The following CASTOR2 variants were observed in gnomAD, a reference collection of about 807,000 sequenced individuals.
CASTOR2 encodes GATS protein like 2.
A neutral mutation model predicts 31.2 loss-of-function variants in CASTOR2; 8 were observed. The ratio of observed to expected loss-of-function variants is 0.26; its 90% CI spans 0.15 to 0.46. The LOEUF is 0.46. Among genes scored for constraint, CASTOR2 ranks in the 20% least tolerant of loss-of-function variants. The probability of loss-of-function intolerance (pLI) is 0.99; values close to 1 mark genes in which losing one functional copy is unlikely to be tolerated. For synonymous variants in CASTOR2, 162 were observed against 158.7 expected (o/e 1.02, Z -0.16); for missense variants, 216 against 382.1 (o/e 0.57, Z 3.62).
chr7:75,028,411 G>A lies in CASTOR2; in HGVS notation c.*3712G>A, dbSNP rs1216414586. Among the ~76,000 whole-genome samples, 3 of 152,026 alleles carry A rather than the reference G, an allele frequency of 2.0e-5. No individual in the cohort carries two copies. Among genetic ancestry groups the A allele is most frequent in the Non-Finnish European group, 4.4e-5 (3 of 68,008 alleles). ...GCTGGGATTACAGGCATGAGCCACC[G>A]TGCCCGGCCTCATGGAATTTCTAGG... On this transcript the variant is annotated 3_prime_UTR_variant, in exon 9 of 9. Transcript: ENST00000616305.
chr7:74,977,114 G>T (rs1440240260), intron 1 of CASTOR2, among the ~76,000 whole-genome samples: 6 of 147,012 alleles, frequency 4.1e-5, no homozygotes, highest in Admixed American at 2.0e-4. Context: ...AACCTGGAAG[G>T]CAGAGGTTGC....
intron 2 of CASTOR2, among the ~76,000 whole-genome samples, chr7:75,011,222 A>T (rs1804735487): frequency 6.7e-6 from 1 of 149,330 alleles, no homozygotes; most frequent in Non-Finnish European, 1.5e-5. Flanking sequence ...TGAGGTCAGG[A>T]GTTCGAGACA....
intron 7 of CASTOR2, among the ~76,000 whole-genome samples, chr7:75,023,579 A>G (rs1174419564): frequency 6.6e-6 from 1 of 150,608 alleles, no homozygotes; most frequent in East Asian, 2.0e-4. Context: ...AGCTGGGACT[A>G]TAGGCACGTG....
chr7:75,014,746 A>C (rs1804829632), intron 2 of CASTOR2, among the ~76,000 whole-genome samples: 2 of 151,924 alleles, frequency 1.3e-5, no homozygotes, highest in Admixed American at 1.3e-4. Context: ...CTTCCCCCAC[A>C]CCCACGTTTC....
intron 1 of CASTOR2, among the ~76,000 whole-genome samples, chr7:74,998,085 C>T (rs1804395071): frequency 2.0e-5 from 3 of 152,082 alleles, no homozygotes; most frequent in African/African-American, 7.2e-5. Context: ...GTCCCCCCTG[C>T]CTTCAGAAAG....
rs1371628201 is a variant in CASTOR2 at position 75,031,339 on chromosome 7, G to A, written c.*6640G>A. On this transcript the variant is annotated 3_prime_UTR_variant, in exon 9 of 9. Transcript: ENST00000616305. ...GCGTTCCATCGCTCCCAAGATCTGGGTGAAGGGGAGAACCTGCCATCTTAT... is the reference window on the plus strand; with the variant it reads ...GCGTTCCATCGCTCCCAAGATCTGGATGAAGGGGAGAACCTGCCATCTTAT... Among the ~76,000 whole-genome samples, 2 of 152,108 alleles carry A rather than the reference G, an allele frequency of 1.3e-5. No homozygotes were observed. Among genetic ancestry groups the A allele is most frequent in the Non-Finnish European group, 2.9e-5 (2 of 68,020 alleles).
intron 1 of CASTOR2, among the ~76,000 whole-genome samples, chr7:74,993,826 ATTCTC>A (rs1804272044): frequency 6.6e-6 from 1 of 150,418 alleles, no homozygotes; most frequent in Non-Finnish European, 1.5e-5. Context: ...AACACTTGTA[ATTCTC>A]TTCTCTCTGC....
chr7:74,975,011 C>T (rs1584457560), intron 1 of CASTOR2, among the ~76,000 whole-genome samples: 1 of 150,796 alleles, frequency 6.6e-6, no homozygotes, highest in Non-Finnish European at 1.5e-5. Context: ...CTCTGTTGCC[C>T]AGGCTGGAGT....
chr7:74,997,682 T>C (rs1289052330), intron 1 of CASTOR2, among the ~76,000 whole-genome samples: 1 of 151,550 alleles, frequency 6.6e-6, no homozygotes, highest in Non-Finnish European at 1.5e-5. Flanking sequence ...TGCCTTGGCC[T>C]CCCCAAAGTG....
In CASTOR2 at chr7:74,967,454, GCT is replaced by G. The variant is rs587677683; in HGVS notation, c.113+2359_113+2360del. ...CCCTGCCCCCAGGTGGTGACCCATA[GCT>G]CTGTCACTTCCCTCTCCAAAACCTA... is the stretch of plus-strand genomic sequence containing the variant. On this transcript the variant is annotated intron_variant, in intron 1 of 8. Transcript: ENST00000616305. Among the ~76,000 whole-genome samples, 22 of 148,240 alleles carry G rather than the reference GCT, an allele frequency of 1.5e-4. 3 individuals are homozygous for G. In the South Asian group the frequency reaches 4.9e-3, roughly 33 times the overall value.
intron 2 of CASTOR2, among the ~76,000 whole-genome samples, chr7:75,014,623 C>G (rs1313258691): frequency 6.6e-6 from 1 of 152,116 alleles, no homozygotes; most frequent in Non-Finnish European, 1.5e-5. Flanking sequence ...GCTCTGGGTT[C>G]TTTCCCAGGC....
In CASTOR2 at chr7:75,007,863, G is replaced by T. The variant is rs1554438918; in HGVS notation, c.114-131G>T. On this transcript the variant is annotated intron_variant, in intron 1 of 8. Transcript: ENST00000616305. ...GAAGGGAGAGATAAACAACTTACCC[G>T]CGGTCACCCCAGCAGCCTGGGGCCG... 3 of 1,238,670 alleles carry T rather than the reference G, an allele frequency of 2.4e-6. No homozygotes were observed. The African/African-American group carries it at 4.5e-5, about 18-fold the overall frequency. The allele number at this position is 1,238,670 out of a possible 1,614,324, so 76.7% of individuals were successfully genotyped here. A position where few individuals can be genotyped will look rare whatever the true frequency, so the allele number is the denominator to read the frequency against.
chr7:75,017,052 C>T lies in CASTOR2; in HGVS notation c.185-546C>T, dbSNP rs1276667455. On this transcript the variant is annotated intron_variant, in intron 2 of 8. Coordinates refer to ENST00000616305, the MANE Select transcript of CASTOR2 (RefSeq NM_001145064.3). ...TGTGATGGTGCATACCTATAATCTC[C>T]GCTACTCAAGAATCACTTGAACCCA... 3.5e-3 allele frequency among the ~76,000 whole-genome samples: 540 copies of T among 152,272 alleles called. 6 individuals carry two copies. Among genetic ancestry groups the T allele is most frequent in the African/African-American group, 0.012 (502 of 41,566 alleles).
chr7:74,997,435 G>C (rs1477147763), intron 1 of CASTOR2, among the ~76,000 whole-genome samples: 12 of 149,206 alleles, frequency 8.0e-5, no homozygotes, highest in African/African-American at 3.0e-4. Context: ...CCAAAGCATT[G>C]CCTTTTTTTT....
rs929338883 is a variant in CASTOR2, at chr7:75,031,484, A to C, written c.*6785A>C. Among the ~76,000 whole-genome samples the C allele has an allele frequency of 3.9e-4, 59 of 151,988 alleles. No individual in the cohort carries two copies. Among genetic ancestry groups the C allele is most frequent in the African/African-American group, 1.3e-3 (54 of 41,472 alleles). On this transcript the variant is annotated 3_prime_UTR_variant, in exon 9 of 9. Coordinates refer to ENST00000616305, the MANE Select transcript of CASTOR2 (RefSeq NM_001145064.3). ...CTAATGTTCCCCCAAAAAAGACAGTATATTTTGTACTTTGTAAAGTGTTAA... is the reference window on the plus strand; with the variant it reads ...CTAATGTTCCCCCAAAAAAGACAGTCTATTTTGTACTTTGTAAAGTGTTAA...
chr7:74,975,939 C>G (rs1442972617), intron 1 of CASTOR2, among the ~76,000 whole-genome samples: 1 of 149,540 alleles, frequency 6.7e-6, no homozygotes, highest in Non-Finnish European at 1.5e-5. Flanking sequence ...TGGAGAGGAA[C>G]TGAGGCATCC....
chr7:75,024,777 A>T lies in CASTOR2; in HGVS notation c.*78A>T. 1.3e-6 allele frequency: 2 copies of T among 1,551,162 alleles called. No homozygotes were observed. Among genetic ancestry groups the T allele is most frequent in the Non-Finnish European group, 1.7e-6 (2 of 1,146,806 alleles). On this transcript the variant is annotated 3_prime_UTR_variant, in exon 9 of 9. Coordinates refer to ENST00000616305, the MANE Select transcript of CASTOR2 (RefSeq NM_001145064.3). ...AAGATTGATCTTGCAGTATTTCTCTACAGACTGGAAAATCAGCCTGGGGAC... is the reference window on the plus strand; with the variant it reads ...AAGATTGATCTTGCAGTATTTCTCTTCAGACTGGAAAATCAGCCTGGGGAC...
chr7:75,008,247 C>T (rs1242268830), intron 2 of CASTOR2, among the ~76,000 whole-genome samples, 183 bp downstream of exon 2: 1 of 151,942 alleles, frequency 6.6e-6, no homozygotes, highest in East Asian at 1.9e-4. Flanking sequence ...CTCTCCCTGG[C>T]TTCTGGAGGG....
rs17148727 is a variant in CASTOR2 at position 75,029,963 on chromosome 7, A to G, written c.*5264A>G. ...GCTTGAGGCCAAGATAGCAAGACCAACCTGGTCAACATAGCAAGACCCTGC... is the reference window on the plus strand; with the variant it reads ...GCTTGAGGCCAAGATAGCAAGACCAGCCTGGTCAACATAGCAAGACCCTGC... On this transcript the variant is annotated 3_prime_UTR_variant, in exon 9 of 9. Coordinates refer to ENST00000616305, the MANE Select transcript of CASTOR2 (RefSeq NM_001145064.3). 3.9e-5 allele frequency among the ~76,000 whole-genome samples: 6 copies of G among 152,038 alleles called. No homozygotes were observed. The South Asian group carries it at 1.2e-3, about 32-fold the overall frequency.
Sources: allele counts gnomAD v4.1 joint callset (sites outside exome capture counted in the v4.1 genomes callset), GRCh38; gene constraint gnomAD v4.1.1; transcripts MANE v1.5; gene names NCBI Gene and HGNC (gene_info 2026-07-23, HGNC 2026-07-21).